ATXN7L1: variants seen among roughly 807,000 people sequenced by gnomAD.
ATXN7L1 encodes the protein ataxin-7-like protein 1.
ATXN7L1 carries 15 observed loss-of-function variants against 70.8 expected under a neutral mutation model. The ratio of observed to expected loss-of-function variants is 0.21; its 90% CI spans 0.14 to 0.33. The LOEUF (loss-of-function observed/expected upper bound fraction) is 0.33. ATXN7L1 is among the 10% of genes least tolerant of loss of function. ATXN7L1 has a pLI of 1.00. For missense variants in ATXN7L1, 975 were observed against 1,097.1 expected (o/e 0.89, Z 1.57); for synonymous variants, 440 against 445.1 (o/e 0.99, Z 0.14).
chr7:105,660,478 G>C (rs1386599229), intron 4 of ATXN7L1, among the ~76,000 whole-genome samples: 4 of 148,956 alleles, frequency 2.7e-5, no homozygotes, highest in Non-Finnish European at 3.0e-5. Flanking sequence ...TTTTTTTGGT[G>C]GTAAAATAGA....
At chr7:105,641,149 GGT>G (rs1372784980) in intron 5 of ATXN7L1, among the ~76,000 whole-genome samples, 2 of 146,992 alleles carry the variant, frequency 1.4e-5, no homozygotes, top group African/African-American at 5.0e-5. Flanking sequence ...TTCCCTGGCT[GGT>G]TACCAAAATG....
At chr7:105,689,585 C>T (rs1433935969) in intron 3 of ATXN7L1, among the ~76,000 whole-genome samples, 2 of 152,182 alleles carry the variant, frequency 1.3e-5, no homozygotes, top group Non-Finnish European at 2.9e-5. Context: ...CAAACCAACA[C>T]ACACCTCAAG....
intron 7 of ATXN7L1, among the ~76,000 whole-genome samples, chr7:105,635,310 G>A (rs899370243): frequency 3.3e-5 from 5 of 152,176 alleles, no homozygotes; most frequent in African/African-American, 7.2e-5. Context: ...AGTTGGAGGC[G>A]AATAAACTGA....
intron 3 of ATXN7L1, among the ~76,000 whole-genome samples, chr7:105,758,865 G>A (rs1800143043): frequency 6.6e-6 from 1 of 152,182 alleles, no homozygotes; most frequent in South Asian, 2.1e-4. Context: ...CTGAACACAG[G>A]ACAGTAAAAA....
chr7:105,755,886 C>T (rs1215366267), intron 3 of ATXN7L1, among the ~76,000 whole-genome samples: 1 of 152,188 alleles, frequency 6.6e-6, no homozygotes, highest in African/African-American at 2.4e-5. Context: ...ATCCAGGTAA[C>T]CGTCATGCAG....
At chr7:105,874,097 C>T (rs968149866) in intron 2 of ATXN7L1, among the ~76,000 whole-genome samples, 1 of 148,672 alleles carries the variant, frequency 6.7e-6, no homozygotes, top group East Asian at 2.0e-4. Flanking sequence ...TGTACTCCAG[C>T]CTGGCGACAG....
intron 2 of ATXN7L1, among the ~76,000 whole-genome samples, chr7:105,845,237 T>C: frequency 7.3e-6 from 1 of 137,706 alleles, no homozygotes; most frequent in African/African-American, 2.7e-5. Flanking sequence ...AAAAAATCAG[T>C]TCAGTTGTAT....
Position 105,698,507 on chromosome 7 carries a change from G to A in ATXN7L1, c.356-33219C>T, listed in dbSNP as rs1792029662. Among the ~76,000 whole-genome samples the A allele has an allele frequency of 2.0e-5, 3 of 152,144 alleles. No individual in the cohort carries two copies. The South Asian group carries it at 6.2e-4, about 31-fold the overall frequency. Reference sequence around the variant, plus strand: ...AGCCTCCTGAGTAGCTGGGACCACAGGCATGCACCACCATGCCTAGCTAAT... The same window carrying A: ...AGCCTCCTGAGTAGCTGGGACCACAAGCATGCACCACCATGCCTAGCTAAT... On this transcript the variant is annotated intron_variant, in intron 3 of 11. Coordinates refer to ENST00000419735, the MANE Select transcript of ATXN7L1 (RefSeq NM_020725.2).
chr7:105,869,414 C>T (rs1817923205), intron 2 of ATXN7L1, among the ~76,000 whole-genome samples: 1 of 152,170 alleles, frequency 6.6e-6, no homozygotes, highest in African/African-American at 2.4e-5. Context: ...AAGCTGTTCG[C>T]AGTTTCCCAT....
chr7:105,641,198 C>CTG, intron 5 of ATXN7L1, among the ~76,000 whole-genome samples: 1 of 85,716 alleles, frequency 1.2e-5, no homozygotes, highest in Non-Finnish European at 2.4e-5. Context: ...TGCCTTTTCT[C>CTG]TCTCTCTCTC....
At chr7:105,727,606 T>C (rs1178594327) in intron 3 of ATXN7L1, among the ~76,000 whole-genome samples, 2 of 148,464 alleles carry the variant, frequency 1.3e-5, no homozygotes, top group Non-Finnish European at 3.0e-5. Context: ...GAGGCAGAGG[T>C]TGCAGTGAGC....
At chr7:105,705,013 AT>A (rs1270402836) in intron 3 of ATXN7L1, among the ~76,000 whole-genome samples, 4 of 148,472 alleles carry the variant, frequency 2.7e-5, no homozygotes, top group Admixed American at 1.4e-4. Context: ...ATTATTTTTT[AT>A]TTTATTTATT....
Position 105,607,654 on chromosome 7 carries a change from A to T in ATXN7L1, c.*198T>A. The T allele has an allele frequency of 1.7e-6, 1 of 579,628 alleles. No homozygotes were observed. The highest frequency in any genetic ancestry group is 3.1e-6 in the Non-Finnish European group (1 of 321,954). The allele number at this position is 579,628 out of a possible 1,614,324, so 35.9% of individuals were successfully genotyped here. ...CCAAACACTGGAACTGTTTTCTGTAAATCTCAAATTCACCTTCTTTTGCCT... is the reference window on the plus strand; with the variant it reads ...CCAAACACTGGAACTGTTTTCTGTATATCTCAAATTCACCTTCTTTTGCCT... On this transcript the variant is annotated 3_prime_UTR_variant, in exon 12 of 12. Coordinates refer to ENST00000419735, the MANE Select transcript of ATXN7L1 (RefSeq NM_020725.2).
At chr7:105,803,723 A>C (rs937747920) in intron 2 of ATXN7L1, among the ~76,000 whole-genome samples, 7 of 152,218 alleles carry the variant, frequency 4.6e-5, no homozygotes, top group Admixed American at 3.9e-4. Context: ...AAAGTTTTCC[A>C]GGTAACTTTG....
At chr7:105,649,532 A>G (rs552457622) in intron 4 of ATXN7L1, 8 of 987,810 alleles carry the variant, frequency 8.1e-6, no homozygotes, top group Middle Eastern at 2.8e-4. Context: ...CTTGGCATCA[A>G]GTAGATTCCC....
chr7:105,716,151 T>C (rs73717258), intron 3 of ATXN7L1, among the ~76,000 whole-genome samples: 3,672 of 152,152 alleles, frequency 0.024, 153 homozygotes, highest in African/African-American at 0.081. Context: ...GAGGAGAAGG[T>C]ACAAGTAGAA....
intron 8 of ATXN7L1, among the ~76,000 whole-genome samples, chr7:105,620,896 G>GAA (rs10656477): frequency 0.042 from 6,034 of 144,686 alleles, 204 homozygotes; most frequent in African/African-American, 0.056. Context: ...CTGTCTCAGA[G>GAA]AAAAAAAAAA....
chr7:105,717,096 C>T (rs893735026), intron 3 of ATXN7L1, among the ~76,000 whole-genome samples: 2 of 152,046 alleles, frequency 1.3e-5, no homozygotes, highest in Admixed American at 6.6e-5. Context: ...TTTCCCCCCA[C>T]TTTTCACATT....
At chr7:105,860,966 G>A (rs1332505832) in intron 2 of ATXN7L1, among the ~76,000 whole-genome samples, 1 of 152,214 alleles carries the variant, frequency 6.6e-6, no homozygotes, top group African/African-American at 2.4e-5. Context: ...TGGGGGCAAA[G>A]TACACGCTGG....
Sources: gnomAD v4.1 joint callset for allele counts (sites outside exome capture counted in the v4.1 genomes callset) on GRCh38, gnomAD v4.1.1 for gene constraint, MANE v1.5 for transcripts, NCBI Gene and HGNC (gene_info 2026-07-23, HGNC 2026-07-21) for gene names.